CCDC74B: variants seen among roughly 807,000 people sequenced by gnomAD.
The protein encoded by CCDC74B is coiled-coil domain containing 74B, also known as coiled-coil domain-containing protein 74B.
In CCDC74B, 34 loss-of-function variants were observed where a neutral mutation model predicts 38.0. The ratio of observed to expected loss-of-function variants is 0.89; its 90% CI spans 0.68 to 1.19. CCDC74B has a LOEUF of 1.19. Ranked by LOEUF, CCDC74B falls within the 50% of genes most tolerant of loss-of-function variation. CCDC74B has a pLI of 0.00. For missense variants in CCDC74B, 358 were observed against 406.0 expected (o/e 0.88, Z 1.02); for synonymous variants, 132 against 170.4 (o/e 0.77, Z 1.76).
At position 130,143,430 on chromosome 2, in the gene CCDC74B, T is replaced by C. The variant is rs540839132; in HGVS notation, c.251-117A>G. On this transcript the variant is annotated intron_variant, in intron 1 of 7. Transcript: ENST00000409943. Reference sequence around the variant, plus strand: ...CCGAAAGTCCTGCCCCCCCACTGGCTGATTGGGCCCTGCCCCATGGATCCC... The same window carrying C: ...CCGAAAGTCCTGCCCCCCCACTGGCCGATTGGGCCCTGCCCCATGGATCCC... 45 of 1,338,476 alleles carry C rather than the reference T, an allele frequency of 3.4e-5. No homozygotes were observed. In the African/African-American group the frequency reaches 4.9e-4, roughly 15 times the overall value. 82.9% of individuals were successfully genotyped at this position (1,338,476 alleles called of 1,614,324 possible).
In CCDC74B at chr2:130,143,504, G is replaced by A. The variant is rs114764815; in HGVS notation, c.251-191C>T. ...GGGTGTCAGGCCAGGAGTGGCCCCT[G>A]CCTGTTCCCTAGGCAGAGCCCACCT... On this transcript the variant is annotated intron_variant, in intron 1 of 7. Coordinates refer to ENST00000409943, the MANE Select transcript of CCDC74B (RefSeq NM_001258307.2). Among the ~76,000 whole-genome samples the A allele has an allele frequency of 5.7e-3, 868 of 152,334 alleles. 6 individuals carry two copies. Among genetic ancestry groups the A allele is most frequent in the African/African-American group, 0.02 (822 of 41,570 alleles).
At chr2:130,142,246 C>T in intron 2 of CCDC74B, 63 bp from the exon 3 acceptor site, 1 of 1,576,078 alleles carries the variant, frequency 6.3e-7, no homozygotes, top group African/African-American at 1.4e-5. Context: ...GCCTCCTGGC[C>T]TGTGTGTCCG....
In CCDC74B at chr2:130,144,869, T is replaced by C. The variant is rs1157344724; in HGVS notation, c.128A>G (p.Gln43Arg). Residue 43 changes from glutamine to arginine, a missense_variant, in exon 1 of 8, where the codon CAG (glutamine) becomes CGG (arginine). Gln to Arg is a conservative substitution (Grantham distance 43, BLOSUM62 1). This residue lies in a region of CCDC74B where 128 missense variants were observed against 146.7 expected (regional missense o/e 0.87). Transcript: ENST00000409943. ...CAGGTTCCGTTTCTGCGGGTCGCTC[T>C]GCCTGAGCTGCGGGCTCTGCGGCCT... ...SLRPQSPQLRQSDPQKRNLDL... is the reference protein window; with the variant it reads ...SLRPQSPQLRRSDPQKRNLDL... The C allele has an allele frequency of 1.9e-6, 3 of 1,613,452 alleles. No homozygotes were observed. The highest frequency in any genetic ancestry group is 3.3e-5 in the Admixed American group (2 of 60,014).
chr2:130,144,386 G>A (rs1380191491), intron 1 of CCDC74B: 13 of 1,088,476 alleles, frequency 1.2e-5, no homozygotes, highest in Non-Finnish European at 1.4e-5. Context: ...CGATCCGCCC[G>A]TCTCGGTCTC....
At chr2:130,141,957 C>T in intron 3 of CCDC74B, 176 bp downstream of exon 3, 1 of 766,430 alleles carries the variant, frequency 1.3e-6, no homozygotes, top group Non-Finnish European at 2.0e-6. Flanking sequence ...CCCACCCCCC[C>T]TTAATCCCCT....
chr2:130,140,333 C>T lies in CCDC74B; in HGVS notation c.524G>A (p.Cys175Tyr). The stretch of plus-strand genomic sequence containing the variant: ...GCCCTGGTGCTGGCTGTTCCCCATA[C>T]AGGCAGCTCCTGCGTTAGAGGCCTC... ...KAEASNAGAACMGNSQHQGRQ... is the reference protein window; with the variant it reads ...KAEASNAGAAYMGNSQHQGRQ... The change falls in exon 5 of 8, where the codon TGT becomes TAT. Residue 175 changes from cysteine to tyrosine, a missense_variant. Cys to Tyr is a radical substitution (Grantham distance 194). Transcript: ENST00000409943. 1.2e-6 allele frequency: 2 copies of T among 1,607,678 alleles called. No individual in the cohort carries two copies. The highest frequency in any genetic ancestry group is 3.4e-5 in the Admixed American group (2 of 59,380).
chr2:130,141,970 C>T (rs549861352), intron 3 of CCDC74B, 163 bp downstream of exon 3: 208 of 1,021,952 alleles, frequency 2.0e-4, no homozygotes, highest in Non-Finnish European at 2.8e-4. Context: ...AATCCCCTCC[C>T]GGTGGCTTCA....
chr2:130,143,103 A>C, intron 2 of CCDC74B, 166 bp downstream of exon 2: 2 of 1,492,942 alleles, frequency 1.3e-6, no homozygotes, highest in Non-Finnish European at 1.8e-6. Flanking sequence ...GCGTAACATC[A>C]TCCAGCCACG....
At position 130,140,023 on chromosome 2, in the gene CCDC74B, C is replaced by T. The variant is rs973264570; in HGVS notation, c.752G>A (p.Arg251Lys). 1 of 1,605,272 alleles carries T rather than the reference C, an allele frequency of 6.2e-7. No individual in the cohort carries two copies. Among genetic ancestry groups the T allele is most frequent in the Non-Finnish European group, 8.5e-7 (1 of 1,176,302 alleles). Reference protein sequence around the residue: ...QAVPEEASFPRDQEATHFPKV... With the variant: ...QAVPEEASFPKDQEATHFPKV... ...GGGCAGGGGTGCACCAGGCACTCACCTGGGAAAGCTAGCTTCCTCCGGGAC... is the reference window on the plus strand; with the variant it reads ...GGGCAGGGGTGCACCAGGCACTCACTTGGGAAAGCTAGCTTCCTCCGGGAC... The change falls in exon 6 of 8, where the codon AGG (arginine) becomes AAG (lysine). Residue 251 changes from arginine (R) to lysine (K), a missense_variant and splice_region_variant. Physicochemically the swap from Arg to Lys is conservative, Grantham distance 26. Transcript: ENST00000409943.
At chr2:130,142,687 G>A (rs764136384) in intron 2 of CCDC74B, 298 of 1,544,834 alleles carry the variant, frequency 1.9e-4, no homozygotes, top group Admixed American at 1.1e-3. Context: ...CAAAGATAAC[G>A]GGAAGTGAGC....
chr2:130,144,226 G>T, intron 1 of CCDC74B: 1 of 367,702 alleles, frequency 2.7e-6, no homozygotes, highest in Admixed American at 3.7e-5. Flanking sequence ...TGCAAGCTCC[G>T]CCTCCCGGGT....
At chr2:130,139,735 T>C (rs1685467708) in intron 7 of CCDC74B, 45 bp from the exon 8 acceptor site, 1 of 1,610,882 alleles carries the variant, frequency 6.2e-7, no homozygotes, top group Non-Finnish European at 8.5e-7. Flanking sequence ...TCCTCGCGAG[T>C]GGAGTGTGTG....
intron 7 of CCDC74B, 68 bp downstream of exon 7, chr2:130,139,823 T>C: frequency 1.9e-6 from 3 of 1,610,674 alleles, no homozygotes; most frequent in Non-Finnish European, 2.5e-6. Flanking sequence ...CCACGCTCCC[T>C]TCCCCACTCC....
At chr2:130,144,024 G>T (rs1212087471) in intron 1 of CCDC74B, among the ~76,000 whole-genome samples, 1 of 131,380 alleles carries the variant, frequency 7.6e-6, no homozygotes. Context: ...GCGAAGCGGG[G>T]ACGGGGTGGG....
At chr2:130,142,091 G>A (rs774253510) in intron 3 of CCDC74B, 42 bp downstream of exon 3, 12 of 1,600,094 alleles carry the variant, frequency 7.5e-6, no homozygotes, top group Admixed American at 1.7e-5. Context: ...GGTCCCCGTG[G>A]GGCACTCACC....
At position 130,139,661 on chromosome 2, in the gene CCDC74B, C is replaced by T. The variant is rs3177472; in HGVS notation, c.839G>A (p.Arg280His). 0.37 allele frequency: 592,420 copies of T among 1,612,602 alleles called. 109,508 individuals carry two copies. The highest frequency in any genetic ancestry group is 0.43 in the East Asian group (19,450 of 44,842). Reference protein sequence around the residue: ...CLLLSPPVAERAILPALKQTP... With the variant: ...CLLLSPPVAEHAILPALKQTP... ...CTGCTTCAGTGCGGGCAGGATGGCA[C>T]GCTCCGCCACAGGTGGGCTCAGAAG... Residue 280 changes from arginine to histidine, a missense_variant, in exon 8 of 8, where the codon CGT (arginine) becomes CAT (histidine). Transcript: ENST00000409943.
In CCDC74B at chr2:130,139,586, T is replaced by C; in HGVS notation, c.914A>G (p.Gln305Arg). 6.2e-7 allele frequency: 1 copy of C among 1,613,400 alleles called. No homozygotes were observed. The highest frequency in any genetic ancestry group is 1.1e-5 in the South Asian group (1 of 91,056). ...AERQKRLQAM[Q>R]KRRLHRSVL ...CACCGAGCGATGCAGGCGCCGTTTC[T>C]GCATTGCCTGCAGCCTCTTCTGCCT... is the stretch of plus-strand genomic sequence containing the variant. The change falls in exon 8 of 8, where the codon CAG (glutamine) becomes CGG (arginine). Residue 305 changes from glutamine to arginine, a missense_variant. Gln to Arg is a conservative substitution (Grantham distance 43, BLOSUM62 1). Coordinates refer to ENST00000409943, the MANE Select transcript of CCDC74B (RefSeq NM_001258307.2).
chr2:130,144,075 G>A (rs1685860139), intron 1 of CCDC74B, among the ~76,000 whole-genome samples: 1 of 152,156 alleles, frequency 6.6e-6, no homozygotes, highest in Non-Finnish European at 1.5e-5. Context: ...GTGTTTAGCT[G>A]GAAGAAATTC....
intron 1 of CCDC74B, chr2:130,144,261 T>C: frequency 2.5e-6 from 1 of 395,038 alleles, no homozygotes; most frequent in East Asian, 6.6e-5. Flanking sequence ...TGCCTCAGCC[T>C]CCCGAGTAGC....
Sources: allele counts gnomAD v4.1 joint callset (sites outside exome capture counted in the v4.1 genomes callset), GRCh38; gene constraint gnomAD v4.1.1; regional missense constraint gnomAD v4.1.1; transcripts MANE v1.5; gene names NCBI Gene and HGNC (gene_info 2026-07-23, HGNC 2026-07-21).